The following SLIT2 variants were observed in gnomAD, a reference collection of about 807,000 sequenced individuals.
SLIT2 encodes the protein slit homolog 2 protein.
SLIT2 carries 41 observed loss-of-function variants against 185.7 expected under a neutral mutation model. The observed-to-expected ratio is 0.22, with a 90% CI of 0.17 to 0.29. SLIT2 has a LOEUF of 0.29. Among genes scored for constraint, SLIT2 ranks in the 10% least tolerant of loss-of-function variants. The pLI is 1.00. For synonymous variants in SLIT2, 693 were observed against 680.2 expected, an observed-to-expected ratio of 1.02 and a Z score of -0.29; for missense variants, 1,571 against 1,909.0, an observed-to-expected ratio of 0.82 and a Z score of 3.30.
intron 29 of SLIT2, among the ~76,000 whole-genome samples, chr4:20,586,150 C>T (rs1034053491): frequency 6.6e-6 from 1 of 152,052 alleles, no homozygotes; most frequent in Non-Finnish European, 1.5e-5. Context: ...AGCGGTCCTT[C>T]CCTCAAGTAT....
chr4:20,347,120 G>T (rs776394104), intron 4 of SLIT2, among the ~76,000 whole-genome samples: 4 of 152,200 alleles, frequency 2.6e-5, no homozygotes, highest in Non-Finnish European at 5.9e-5. Flanking sequence ...AAATGAGTCA[G>T]ATTAGTAGCC....
intron 12 of SLIT2, among the ~76,000 whole-genome samples, chr4:20,521,466 A>T (rs1311762080): frequency 1.3e-5 from 2 of 152,244 alleles, no homozygotes; most frequent in African/African-American, 4.8e-5. Flanking sequence ...AGTTAAAGTG[A>T]GTACAAACTG....
chr4:20,398,908 A>T (rs1438193330), intron 4 of SLIT2, among the ~76,000 whole-genome samples: 1 of 151,836 alleles, frequency 6.6e-6, no homozygotes, highest in Non-Finnish European at 1.5e-5. Flanking sequence ...TTATAAATTC[A>T]TGCAGTTATA....
chr4:20,601,764 C>T (rs564557353), intron 33 of SLIT2, among the ~76,000 whole-genome samples: 1 of 152,300 alleles, frequency 6.6e-6, no homozygotes, highest in South Asian at 2.1e-4. Flanking sequence ...TCAGCTGTCC[C>T]ATTAGTTGCT....
chr4:20,291,697 A>G (rs534407765), intron 4 of SLIT2, among the ~76,000 whole-genome samples: 1 of 151,754 alleles, frequency 6.6e-6, no homozygotes, highest in African/African-American at 2.4e-5. Flanking sequence ...TAATTTATAA[A>G]TGGTGAAGGC....
intron 26 of SLIT2, chr4:20,554,234 G>T: frequency 1.8e-6 from 1 of 550,350 alleles, no homozygotes; most frequent in Non-Finnish European, 3.4e-6. Context: ...ACAATTTCTG[G>T]AAATTCCTTT....
chr4:20,511,228 G>T, intron 11 of SLIT2, 91 bp downstream of exon 11: 1 of 688,594 alleles, frequency 1.5e-6, no homozygotes, highest in Non-Finnish European at 2.6e-6. Flanking sequence ...ATGCTCTCAG[G>T]TTTTTATTAT....
intron 11 of SLIT2, among the ~76,000 whole-genome samples, chr4:20,512,006 TA>T (rs1032609868): frequency 1.3e-5 from 2 of 152,224 alleles, no homozygotes; most frequent in African/African-American, 4.8e-5. Flanking sequence ...TAAAGAAGTT[TA>T]AAAATAAATG....
At chr4:20,611,251 C>T (rs1729198285) in intron 34 of SLIT2, among the ~76,000 whole-genome samples, 1 of 152,196 alleles carries the variant, frequency 6.6e-6, no homozygotes, top group Non-Finnish European at 1.5e-5. Context: ...TCAAAGCCTT[C>T]TTTTCAGTGC....
In SLIT2 at chr4:20,553,856, C is replaced by A; in HGVS notation, c.2613C>A (p.Ser871=). ...LYCDCNMQWL[S]DWVKSEYKEP... ...GTGATTGTAACATGCAGTGGTTATC[C>A]GACTGGGTGAAGTCGGAATATAAGG... The change falls in exon 26 of 37, where the codon TCC becomes TCA. Residue 871 remains serine, a synonymous_variant. Coordinates refer to ENST00000504154, the MANE Select transcript of SLIT2 (RefSeq NM_004787.4). 5 of 1,606,366 alleles carry A rather than the reference C, an allele frequency of 3.1e-6. No individual in the cohort carries two copies. The highest frequency in any genetic ancestry group is 4.2e-6 in the Non-Finnish European group (5 of 1,178,022).
At chr4:20,443,690 G>C (rs573463484) in intron 4 of SLIT2, among the ~76,000 whole-genome samples, 1 of 151,622 alleles carries the variant, frequency 6.6e-6, no homozygotes, top group Non-Finnish European at 1.5e-5. Flanking sequence ...AGTACCAAGC[G>C]GTCTTAGGTG....
chr4:20,309,483 G>C (rs1717878240), intron 4 of SLIT2, among the ~76,000 whole-genome samples: 1 of 149,348 alleles, frequency 6.7e-6, no homozygotes, highest in Admixed American at 6.7e-5. Context: ...CTTTTTATTA[G>C]AGCTTTTCCT....
At chr4:20,553,180 A>T (rs1466974167) in intron 25 of SLIT2, among the ~76,000 whole-genome samples, 1 of 152,122 alleles carries the variant, frequency 6.6e-6, no homozygotes, top group African/African-American at 2.4e-5. Context: ...CCTGTCCTTT[A>T]TCTGTATCAT....
At chr4:20,430,459 A>G (rs1728887561) in intron 4 of SLIT2, among the ~76,000 whole-genome samples, 1 of 152,110 alleles carries the variant, frequency 6.6e-6, no homozygotes, top group Non-Finnish European at 1.5e-5. Context: ...AGCGTCAGGG[A>G]AAAAAATGTG....
intron 22 of SLIT2, among the ~76,000 whole-genome samples, chr4:20,547,278 T>G (rs963189592): frequency 6.6e-6 from 1 of 152,148 alleles, no homozygotes; most frequent in Non-Finnish European, 1.5e-5. Context: ...ACCATTAAAT[T>G]GCTGCAATTT....
At chr4:20,553,496 G>A (rs1440369023) in intron 25 of SLIT2, among the ~76,000 whole-genome samples, 1 of 152,122 alleles carries the variant, frequency 6.6e-6, no homozygotes, top group African/African-American at 2.4e-5. Context: ...AATGCACTCG[G>A]TGTGTTTACA....
intron 4 of SLIT2, among the ~76,000 whole-genome samples, chr4:20,437,961 C>T (rs1208329953): frequency 6.7e-6 from 1 of 149,890 alleles, no homozygotes; most frequent in East Asian, 2.0e-4. Flanking sequence ...TTATCCTTGA[C>T]TCCCCTCTTT....
chr4:20,501,316 C>T (rs1385257152), intron 9 of SLIT2, among the ~76,000 whole-genome samples: 1 of 152,090 alleles, frequency 6.6e-6, no homozygotes, highest in African/African-American at 2.4e-5. Context: ...GTTGAGATCT[C>T]ACTCTGTCAC....
Position 20,523,902 on chromosome 4 carries a change from A to G in SLIT2, c.1273A>G (p.Met425Val), listed in dbSNP as rs137896935. 3.3e-5 allele frequency: 54 copies of G among 1,614,038 alleles called. No homozygotes were observed. The African/African-American group carries it at 6.8e-4, about 20-fold the overall frequency. ...TFSPLRAIQT[M>V]HLAQNPFICD... ...TTCACCTCTTCGGGCCATTCAAACT[A>G]TGTATGTATAAGTGATTTGGATCAC... The change falls in exon 13 of 37, where the codon ATG becomes GTG. Residue 425 changes from methionine (M) to valine (V), a missense_variant and splice_region_variant. Physicochemically the swap from Met to Val is conservative, Grantham distance 21. Around this residue, in one of 3 missense-constraint regions of SLIT2, gnomAD observed 1,202 missense variants for 1,416.4 expected, o/e 0.85. Coordinates refer to ENST00000504154, the MANE Select transcript of SLIT2 (RefSeq NM_004787.4).
Sources: gnomAD v4.1 joint callset for allele counts (sites outside exome capture counted in the v4.1 genomes callset) on GRCh38, gnomAD v4.1.1 for gene constraint, gnomAD v4.1.1 regional missense constraint, MANE v1.5 for transcripts, NCBI Gene and HGNC (gene_info 2026-07-23, HGNC 2026-07-21) for gene names.